The following ZNF83 variants were observed in gnomAD, a reference collection of about 807,000 sequenced individuals.
ZNF83 encodes the protein zinc finger protein 83.
For synonymous variants in ZNF83, 209 were observed against 213.0 expected, an observed-to-expected ratio of 0.98 and a Z score of 0.17; for missense variants, 552 against 629.9, an observed-to-expected ratio of 0.88 and a Z score of 1.32.
chr19:52,665,016 T>C (rs558208803), intron 1 of ZNF83, among the ~76,000 whole-genome samples: 1 of 152,204 alleles, frequency 6.6e-6, no homozygotes, highest in South Asian at 2.1e-4. Flanking sequence ...AACCTCAAAG[T>C]TGTCTAGGGC....
chr19:52,681,951 A>T (rs1432244875), intron 1 of ZNF83, among the ~76,000 whole-genome samples: 2 of 152,144 alleles, frequency 1.3e-5, no homozygotes, highest in African/African-American at 4.8e-5. Context: ...AGGTCTAAGC[A>T]ATTCTCCTGC....
intron 2 of ZNF83, among the ~76,000 whole-genome samples, chr19:52,622,594 A>T (rs979357514): frequency 1.5e-4 from 23 of 152,298 alleles, no homozygotes; most frequent in Admixed American, 1.4e-3. Flanking sequence ...AGTGCTTAAA[A>T]AGGCAGCTTA....
At chr19:52,686,561 T>C (rs1042200873) in intron 1 of ZNF83, among the ~76,000 whole-genome samples, 2 of 151,768 alleles carry the variant, frequency 1.3e-5, no homozygotes, top group Admixed American at 6.6e-5. Context: ...ATACCCCTTT[T>C]ATTTTTTATT....
chr19:52,654,235 A>G, intron 3 of ZNF83: 2 of 1,578,518 alleles, frequency 1.3e-6, no homozygotes, highest in South Asian at 2.2e-5. Flanking sequence ...ATTTCTTTTA[A>G]TTTCTTGCCA....
chr19:52,682,062 G>C (rs2061931251), intron 1 of ZNF83, among the ~76,000 whole-genome samples: 1 of 151,984 alleles, frequency 6.6e-6, no homozygotes, highest in South Asian at 2.1e-4. Context: ...TGGCCAGGCT[G>C]GTATTGAATT....
chr19:52,646,465 C>A (rs573986055), intron 3 of ZNF83, among the ~76,000 whole-genome samples: 1 of 152,160 alleles, frequency 6.6e-6, no homozygotes, highest in Non-Finnish European at 1.5e-5. Flanking sequence ...ACGAGGATCA[C>A]TTGACCCCCG....
intron 2 of ZNF83, among the ~76,000 whole-genome samples, chr19:52,630,360 C>T (rs1374934717): frequency 2.0e-5 from 3 of 152,200 alleles, no homozygotes; most frequent in East Asian, 1.9e-4. Flanking sequence ...AGGCTACCCA[C>T]TCCACATTAC....
intron 1 of ZNF83, among the ~76,000 whole-genome samples, chr19:52,668,617 A>G (rs2061684497): frequency 6.6e-6 from 1 of 152,180 alleles, no homozygotes. Context: ...CCAAATGACA[A>G]AAGCAAGTTC....
chr19:52,629,365 C>A (rs1227562511), intron 2 of ZNF83, among the ~76,000 whole-genome samples: 1 of 152,104 alleles, frequency 6.6e-6, no homozygotes, highest in Admixed American at 6.6e-5. Flanking sequence ...CCTGCCTGTT[C>A]CCTCAGTCCC....
upstream of ZNF83, among the ~76,000 whole-genome samples, chr19:52,641,103 C>T (rs10424979): frequency 0.08 from 12,098 of 150,784 alleles, 535 homozygotes; most frequent in Middle Eastern, 0.1. Flanking sequence ...CGATAACCCT[C>T]TGGTTCTGCC....
At chr19:52,672,082 C>T (rs901649519) in intron 1 of ZNF83, among the ~76,000 whole-genome samples, 1 of 151,876 alleles carries the variant, frequency 6.6e-6, no homozygotes, top group Non-Finnish European at 1.5e-5. Flanking sequence ...AAAAATACAA[C>T]AATTAGCTGG....
In ZNF83 at chr19:52,669,049, T is replaced by C. The variant is rs182458597; in HGVS notation, c.-282-8206A>G. Among the ~76,000 whole-genome samples the C allele has an allele frequency of 2.5e-3, 373 of 150,132 alleles. 1 individual carries two copies. Among genetic ancestry groups the C allele is most frequent in the Non-Finnish European group, 3.5e-3 (237 of 66,898 alleles). On this transcript the variant is annotated intron_variant, in intron 1 of 5. Transcript: ENST00000594682. Reference sequence around the variant, plus strand: ...AGGGATGCAGAGAGCTTAAAATTTTTCAAAAGTTTACCAATCAGCCACTCT... The same window carrying C: ...AGGGATGCAGAGAGCTTAAAATTTTCCAAAAGTTTACCAATCAGCCACTCT...
intron 2 of ZNF83, among the ~76,000 whole-genome samples, chr19:52,658,610 G>A (rs1325904529): frequency 6.6e-6 from 1 of 152,184 alleles, no homozygotes; most frequent in Non-Finnish European, 1.5e-5. Context: ...GAAAGTTATA[G>A]GGAATAGTCA....
At chr19:52,649,928 G>A (rs2061421226) in intron 3 of ZNF83, among the ~76,000 whole-genome samples, 1 of 152,114 alleles carries the variant, frequency 6.6e-6, no homozygotes, top group Admixed American at 6.5e-5. Context: ...TGCACCAGAG[G>A]CCAAGCTTAA....
At chr19:52,633,186 C>T (rs1458442849) in intron 2 of ZNF83, among the ~76,000 whole-genome samples, 1 of 152,092 alleles carries the variant, frequency 6.6e-6, no homozygotes, top group Admixed American at 6.6e-5. Flanking sequence ...CAAAAGCTCC[C>T]CTACTGGGCA....
intron 2 of ZNF83, chr19:52,618,475 G>A (rs1236801526): frequency 1.2e-5 from 2 of 161,448 alleles, no homozygotes; most frequent in Admixed American, 1.2e-4. Context: ...TGTTCACCAG[G>A]ATGGTCTCGA....
In ZNF83 at chr19:52,676,468, C is replaced by T. The variant is rs10410444; in HGVS notation, c.-283+13975G>A. The stretch of plus-strand genomic sequence containing the variant: ...TGTCTGGGATGTGAGGAGCCTGCCC[C>T]GGCCCGGCTAGCCTCCCCGTCCGGG... On this transcript the variant is annotated intron_variant, in intron 1 of 5. Coordinates refer to the ZNF83 transcript ENST00000594682. Among the ~76,000 whole-genome samples, 169 of 152,044 alleles carry T rather than the reference C, an allele frequency of 1.1e-3. 1 individual carries two copies. Among genetic ancestry groups the T allele is most frequent in the Admixed American group, 1.6e-3 (25 of 15,292 alleles).
intron 2 of ZNF83, among the ~76,000 whole-genome samples, chr19:52,629,167 G>A (rs981878748): frequency 7.2e-5 from 11 of 151,960 alleles, no homozygotes; most frequent in African/African-American, 2.2e-4. Flanking sequence ...ATACAAACTC[G>A]ACAGTAGTTC....
chr19:52,664,921 C>A (rs1240687839), intron 1 of ZNF83, among the ~76,000 whole-genome samples: 1 of 152,032 alleles, frequency 6.6e-6, no homozygotes, highest in Non-Finnish European at 1.5e-5. Flanking sequence ...GGAAATAGTA[C>A]CTCCCTGAGA....
Sources: gnomAD v4.1 joint callset for allele counts (sites outside exome capture counted in the v4.1 genomes callset) on GRCh38, gnomAD v4.1.1 for gene constraint, MANE v1.5 for transcripts, NCBI Gene and HGNC (gene_info 2026-07-23, HGNC 2026-07-21) for gene names.